TSPAN16: variants seen among roughly 807,000 people sequenced by gnomAD.
TSPAN16 encodes the protein tetraspanin 16, also known as tetraspanin-16.
In TSPAN16, 23 loss-of-function variants were observed where a neutral mutation model predicts 25.2. That is an observed-to-expected ratio of 0.91 (90% CI 0.66 to 1.29). The LOEUF is 1.29. Among genes scored for constraint, TSPAN16 ranks in the 50% most tolerant of loss-of-function variants. The pLI, the probability that TSPAN16 is intolerant of heterozygous loss-of-function variation, is 0.00. For synonymous variants in TSPAN16, 123 were observed against 124.4 expected, an observed-to-expected ratio of 0.99 and a Z score of 0.08; for missense variants, 272 against 299.9, an observed-to-expected ratio of 0.91 and a Z score of 0.69.
At chr19:11,302,669 A>ATG (rs1555703606) in intron 4 of TSPAN16, among the ~76,000 whole-genome samples, 3 of 127,130 alleles carry the variant, frequency 2.4e-5, no homozygotes, top group African/African-American at 1.2e-4. Flanking sequence ...ACATATATAT[A>ATG]TATATATATA....
intron 4 of TSPAN16, among the ~76,000 whole-genome samples, chr19:11,302,422 G>A (rs1313492966): frequency 1.3e-5 from 2 of 149,462 alleles, no homozygotes; most frequent in Admixed American, 6.7e-5. Flanking sequence ...CCAGCTACTC[G>A]GGAGGCTGAG....
At chr19:11,309,668 T>A (rs2080669346) in intron 5 of TSPAN16, among the ~76,000 whole-genome samples, 1 of 152,250 alleles carries the variant, frequency 6.6e-6, no homozygotes, top group African/African-American at 2.4e-5. Context: ...CCAGCATTTA[T>A]CACCACTTTA....
intron 5 of TSPAN16, among the ~76,000 whole-genome samples, chr19:11,310,062 G>A (rs138703204): frequency 1.4e-4 from 21 of 151,980 alleles, no homozygotes; most frequent in Non-Finnish European, 2.8e-4. Flanking sequence ...CTATGGTCAT[G>A]CCACTGCATC....
chr19:11,299,646 T>C (rs745538112), intron 3 of TSPAN16, among the ~76,000 whole-genome samples: 21 of 152,218 alleles, frequency 1.4e-4, no homozygotes, highest in Middle Eastern at 3.2e-3. Flanking sequence ...CACTTGCTGG[T>C]GTGCAGAATC....
intron 1 of TSPAN16, among the ~76,000 whole-genome samples, chr19:11,297,029 A>G (rs544993263): frequency 6.6e-6 from 1 of 152,366 alleles, no homozygotes; most frequent in Admixed American, 6.5e-5. Context: ...CAACATAGCG[A>G]GACTCTGTCT....
intron 6 of TSPAN16, among the ~76,000 whole-genome samples, chr19:11,314,726 C>A (rs1375318866): frequency 6.6e-6 from 1 of 151,998 alleles, no homozygotes; most frequent in Non-Finnish European, 1.5e-5. Flanking sequence ...ACTTTTATTT[C>A]TCCTAGGCCT....
In TSPAN16 at chr19:11,298,255, C is replaced by T. The variant is rs371676449; in HGVS notation, c.183C>T (p.Cys61=). ...SAYLLHVGNL[C]LVMGCITVLL... ...ACCTCCTTCACGTTGGCAACCTGTG[C>T]CTGGTGATGGGATGCATCACGGTAC... Residue 61 remains cysteine, a synonymous_variant, in exon 2 of 7, where the codon TGC becomes TGT. Transcript: ENST00000590327. 6.8e-6 allele frequency: 11 copies of T among 1,613,978 alleles called. No homozygotes were observed. The highest frequency in any genetic ancestry group is 1.6e-4 in the Middle Eastern group (1 of 6,082).
intron 4 of TSPAN16, among the ~76,000 whole-genome samples, chr19:11,305,641 T>C (rs564874698): frequency 6.6e-6 from 1 of 151,848 alleles, no homozygotes; most frequent in Non-Finnish European, 1.5e-5. Context: ...CTGAGATGGG[T>C]GGATCGCTTG....
chr19:11,296,760 CGG>C (rs1463735899), intron 1 of TSPAN16, among the ~76,000 whole-genome samples: 4 of 152,182 alleles, frequency 2.6e-5, no homozygotes, highest in Non-Finnish European at 4.4e-5. Context: ...ATTGTCAGGC[CGG>C]GGGCGCTGGC....
intron 3 of TSPAN16, among the ~76,000 whole-genome samples, 159 bp downstream of exon 3, chr19:11,299,105 C>G (rs1434945081): frequency 1.3e-5 from 2 of 152,006 alleles, no homozygotes; most frequent in African/African-American, 4.8e-5. Context: ...CATGGTGAAA[C>G]CCCGTCTCTA....
intron 5 of TSPAN16, among the ~76,000 whole-genome samples, chr19:11,311,306 T>C (rs2147952030): frequency 6.6e-6 from 1 of 152,314 alleles, no homozygotes; most frequent in East Asian, 1.9e-4. Context: ...GGCTATATTT[T>C]TGTATTTTTA....
At chr19:11,298,435 A>AT (rs34774674) in intron 2 of TSPAN16, 96 bp downstream of exon 2, 63,454 of 928,932 alleles carry the variant, frequency 0.068, 13 homozygotes, top group East Asian at 0.08. Context: ...GGTGTCACCT[A>AT]TTTTTTTTTT....
At chr19:11,321,560 G>A (rs2080779852) in intron 6 of TSPAN16, among the ~76,000 whole-genome samples, 1 of 152,202 alleles carries the variant, frequency 6.6e-6, no homozygotes, top group South Asian at 2.1e-4. Context: ...GGCAGAGGCA[G>A]GGGGAACATT....
chr19:11,313,817 C>CGTTGTTA (rs2080718582), intron 6 of TSPAN16, among the ~76,000 whole-genome samples: 1 of 152,118 alleles, frequency 6.6e-6, no homozygotes, highest in African/African-American at 2.4e-5. Flanking sequence ...AAATGTTAAA[C>CGTTGTTA]ACAGAATTAT....
chr19:11,299,673 A>T (rs1044091007), intron 3 of TSPAN16, among the ~76,000 whole-genome samples: 2 of 152,198 alleles, frequency 1.3e-5, no homozygotes, highest in Non-Finnish European at 2.9e-5. Flanking sequence ...ATGCCAGGGC[A>T]TGTGAAAGAT....
At chr19:11,320,955 G>A (rs1207370012), downstream of TSPAN16, among the ~76,000 whole-genome samples, 1 of 152,004 alleles carries the variant, frequency 6.6e-6, no homozygotes, top group Non-Finnish European at 1.5e-5. Flanking sequence ...CAGATCATGA[G>A]GTCAGGCGTT....
At chr19:11,300,517 C>T (rs941303026) in intron 3 of TSPAN16, among the ~76,000 whole-genome samples, 6 of 152,172 alleles carry the variant, frequency 3.9e-5, no homozygotes, top group African/African-American at 1.4e-4. Flanking sequence ...ATGGGCAGGC[C>T]ACCAAGAGCC....
At chr19:11,307,284 T>C (rs2080640029) in intron 5 of TSPAN16, among the ~76,000 whole-genome samples, 1 of 147,344 alleles carries the variant, frequency 6.8e-6, no homozygotes, top group Non-Finnish European at 1.5e-5. Flanking sequence ...CACGCCCGGC[T>C]GATTTTTGTA....
chr19:11,304,818 C>T (rs1213703378), intron 4 of TSPAN16, among the ~76,000 whole-genome samples: 1 of 152,032 alleles, frequency 6.6e-6, no homozygotes, highest in East Asian at 1.9e-4. Context: ...GCCACTGTGC[C>T]CAGCCTAAAA....
Sources: gnomAD v4.1 joint callset for allele counts (sites outside exome capture counted in the v4.1 genomes callset) on GRCh38, gnomAD v4.1.1 for gene constraint, MANE v1.5 for transcripts, NCBI Gene and HGNC (gene_info 2026-07-23, HGNC 2026-07-21) for gene names.